PCDH7: variants seen among roughly 807,000 people sequenced by gnomAD.
PCDH7 encodes protocadherin-7.
PCDH7 carries 17 observed loss-of-function variants against 58.9 expected under a neutral mutation model. The ratio of observed to expected loss-of-function variants is 0.29; its 90% confidence interval spans 0.20 to 0.43. The LOEUF is 0.43. Ranked by LOEUF, PCDH7 falls within the 20% of genes least tolerant of loss-of-function variation. The pLI, the probability that PCDH7 is intolerant of heterozygous loss-of-function variation, is 1.00. For synonymous variants in PCDH7, 664 were observed against 616.4 expected (o/e 1.08, Z -1.14); for missense variants, 1,274 against 1,441.0 (o/e 0.88, Z 1.88).
Position 30,812,196 on chromosome 4 carries a change from T to C in PCDH7, c.70+87600T>C, listed in dbSNP as rs567284319. Among the ~76,000 whole-genome samples, 131 of 152,330 alleles carry C rather than the reference T, an allele frequency of 8.6e-4. 3 individuals are homozygous for C. The highest frequency in any genetic ancestry group is 2.4e-4 in the Non-Finnish European group (16 of 68,036). On this transcript the variant is annotated intron_variant, in intron 1 of 3. Coordinates refer to the PCDH7 transcript ENST00000509759. ...GTTTAAAAGTTTACCATTGTATAAC[T>C]CTTGATGTTCTAGTCTGTGTAATGT...
intron 3 of PCDH7, among the ~76,000 whole-genome samples, chr4:31,025,744 G>A (rs1754374352): frequency 6.6e-6 from 1 of 152,132 alleles, no homozygotes; most frequent in Admixed American, 6.5e-5. Flanking sequence ...TTATTTCAGA[G>A]ATTCCAAGCC....
intron 1 of PCDH7, among the ~76,000 whole-genome samples, chr4:30,903,236 A>G (rs80167490): frequency 0.064 from 9,749 of 152,110 alleles, 401 homozygotes; most frequent in East Asian, 0.14. Flanking sequence ...CATCCTCTTA[A>G]TATTTTTTTA....
At chr4:30,940,995 G>A (rs1218627981) in intron 2 of PCDH7, among the ~76,000 whole-genome samples, 4 of 151,854 alleles carry the variant, frequency 2.6e-5, no homozygotes, top group Non-Finnish European at 2.9e-5. Flanking sequence ...CAGATAGTTC[G>A]TGTGATTTAA....
At chr4:30,926,464 G>A (rs567664583) in intron 2 of PCDH7, among the ~76,000 whole-genome samples, 21 of 152,280 alleles carry the variant, frequency 1.4e-4, no homozygotes, top group East Asian at 5.8e-4. Context: ...GATTACAGGC[G>A]TGAGCCACCA....
intron 1 of PCDH7, among the ~76,000 whole-genome samples, chr4:30,894,479 AAAAAAAAAAAAATATATATATAT>A (rs1260273615): frequency 0.068 from 4,219 of 61,608 alleles, 204 homozygotes; most frequent in Non-Finnish European, 0.097. Context: ...AAAAAAAAAA[AAAAAAAAAAAAATATATATATAT>A]ATATATATAT....
At chr4:30,981,041 A>G (rs767849858) in intron 3 of PCDH7, among the ~76,000 whole-genome samples, 7 of 152,110 alleles carry the variant, frequency 4.6e-5, no homozygotes, top group Non-Finnish European at 5.9e-5. Context: ...TGGAAGTTTC[A>G]CCATGTTGGC....
chr4:30,949,216 A>G (rs975540398), intron 2 of PCDH7, among the ~76,000 whole-genome samples: 2 of 152,110 alleles, frequency 1.3e-5, no homozygotes, highest in African/African-American at 4.8e-5. Flanking sequence ...GTTTATCTTC[A>G]CTGTGTATAA....
downstream of PCDH7, chr4:31,145,732 G>A (rs990504978): frequency 6.6e-6 from 1 of 152,030 alleles, no homozygotes; most frequent in Non-Finnish European, 1.5e-5. Context: ...GCATTAATAT[G>A]GGCTGCTTAA....
chr4:30,949,223 A>G (rs1158169907), intron 2 of PCDH7, among the ~76,000 whole-genome samples: 2 of 152,178 alleles, frequency 1.3e-5, no homozygotes, highest in African/African-American at 4.8e-5. Context: ...TTCACTGTGT[A>G]TAAAAGCTTT....
intron 1 of PCDH7, among the ~76,000 whole-genome samples, chr4:30,805,411 A>G (rs1726060985): frequency 6.6e-6 from 1 of 152,206 alleles, no homozygotes; most frequent in African/African-American, 2.4e-5. Flanking sequence ...TAAAATGAGG[A>G]TAATACTAAG....
intron 1 of PCDH7, among the ~76,000 whole-genome samples, chr4:30,888,519 T>G (rs1235034320): frequency 1.3e-5 from 2 of 152,212 alleles, no homozygotes; most frequent in Non-Finnish European, 2.9e-5. Flanking sequence ...ATGGAACTTA[T>G]ACAGACTCTA....
chr4:30,980,899 A>G (rs1171851581), intron 3 of PCDH7, among the ~76,000 whole-genome samples: 3 of 152,134 alleles, frequency 2.0e-5, no homozygotes, highest in Non-Finnish European at 4.4e-5. Flanking sequence ...GCTGAAATAG[A>G]GTGGTGCGAT....
At chr4:31,130,611 G>A (rs146235136) in intron 3 of PCDH7, among the ~76,000 whole-genome samples, 62 of 152,286 alleles carry the variant, frequency 4.1e-4, no homozygotes, top group African/African-American at 1.5e-3. Context: ...CTATAGACCA[G>A]AAGTCTGACA....
At chr4:30,959,498 A>T (rs1487518387) in intron 3 of PCDH7, among the ~76,000 whole-genome samples, 1 of 152,156 alleles carries the variant, frequency 6.6e-6, no homozygotes. Context: ...CAAAAGTAAA[A>T]CATGAACTAT....
At chr4:30,836,023 G>T (rs1730442387) in intron 1 of PCDH7, among the ~76,000 whole-genome samples, 1 of 152,112 alleles carries the variant, frequency 6.6e-6, no homozygotes, top group Non-Finnish European at 1.5e-5. Flanking sequence ...TCAGATACTT[G>T]TTGGACCAAA....
chr4:30,977,688 T>A (rs1750192524), intron 3 of PCDH7, among the ~76,000 whole-genome samples: 3 of 152,158 alleles, frequency 2.0e-5, no homozygotes. Flanking sequence ...CTCCTATTAT[T>A]CATTTTGTCC....
chr4:31,073,271 T>C (rs1220149738), intron 3 of PCDH7, among the ~76,000 whole-genome samples: 1 of 152,182 alleles, frequency 6.6e-6, no homozygotes, highest in Non-Finnish European at 1.5e-5. Context: ...TATTTGAATG[T>C]TAGAACCATT....
chr4:31,034,694 C>T (rs1414621586), intron 3 of PCDH7, among the ~76,000 whole-genome samples: 1 of 152,166 alleles, frequency 6.6e-6, no homozygotes, highest in East Asian at 1.9e-4. Context: ...CCCATTGCTT[C>T]CACATTTATC....
At chr4:30,827,055 T>G (rs1234223295) in intron 1 of PCDH7, among the ~76,000 whole-genome samples, 2 of 152,162 alleles carry the variant, frequency 1.3e-5, no homozygotes, top group Non-Finnish European at 2.9e-5. Flanking sequence ...ATTTTCACCT[T>G]AGTATTAGAA....
Sources: allele counts gnomAD v4.1 joint callset (sites outside exome capture counted in the v4.1 genomes callset), GRCh38; gene constraint gnomAD v4.1.1; transcripts MANE v1.5; gene names NCBI Gene and HGNC (gene_info 2026-07-23, HGNC 2026-07-21).